CNBD1: variants seen among roughly 807,000 people sequenced by gnomAD.
The protein encoded by CNBD1 is cyclic nucleotide-binding domain-containing protein 1.
A neutral mutation model predicts 54.4 loss-of-function variants in CNBD1; 71 were observed. The observed-to-expected ratio is 1.30, with a 90% CI of 1.08 to 1.59. The LOEUF is 1.59. CNBD1 is among the 40% of genes most tolerant of loss of function. The probability of loss-of-function intolerance (pLI) is 0.00; values close to 1 mark genes in which losing one functional copy is unlikely to be tolerated. For synonymous variants in CNBD1, 182 were observed against 170.7 expected (o/e 1.07, Z -0.51); for missense variants, 659 against 518.0 (o/e 1.27, Z -2.64).
At chr8:87,291,252 G>A (rs1003905176) in intron 8 of CNBD1, among the ~76,000 whole-genome samples, 9 of 148,036 alleles carry the variant, frequency 6.1e-5, no homozygotes, top group Non-Finnish European at 1.2e-4. Context: ...AGTTCTTCTA[G>A]TGTCACTATC....
intron 5 of CNBD1, among the ~76,000 whole-genome samples, chr8:87,211,313 C>T (rs1045514959): frequency 5.3e-5 from 8 of 152,016 alleles, no homozygotes; most frequent in African/African-American, 1.4e-4. Flanking sequence ...CAGATAAGAC[C>T]TTGGACTTGG....
intron 1 of CNBD1, among the ~76,000 whole-genome samples, chr8:86,875,018 A>ATATATATATATATG (rs1277730526): frequency 7.2e-6 from 1 of 139,128 alleles, no homozygotes; most frequent in African/African-American, 2.7e-5. Context: ...ATATATATAT[A>ATATATATATATATG]TATGTATTAA....
chr8:87,237,155 C>A, intron 6 of CNBD1, 43 bp downstream of exon 6: 1 of 1,297,166 alleles, frequency 7.7e-7, no homozygotes, highest in African/African-American at 1.5e-5. Context: ...AACAAGGTAA[C>A]GGGCTTTTGT....
chr8:87,275,797 A>G (rs932551681), intron 6 of CNBD1, among the ~76,000 whole-genome samples: 24 of 151,682 alleles, frequency 1.6e-4, no homozygotes, highest in African/African-American at 5.8e-4. Flanking sequence ...CTGTTTGCAG[A>G]TGACATGATT....
chr8:87,289,769 G>C (rs552411203), intron 8 of CNBD1, among the ~76,000 whole-genome samples: 1 of 152,028 alleles, frequency 6.6e-6, no homozygotes, highest in South Asian at 2.1e-4. Context: ...AAATACATAG[G>C]CTCTACATCC....
chr8:87,007,287 T>A (rs1467108171), intron 4 of CNBD1, among the ~76,000 whole-genome samples: 1 of 152,172 alleles, frequency 6.6e-6, no homozygotes, highest in Non-Finnish European at 1.5e-5. Context: ...CTGTAGAGAA[T>A]GCCAAAATAT....
intron 4 of CNBD1, among the ~76,000 whole-genome samples, chr8:87,204,801 A>G (rs1382406522): frequency 1.3e-5 from 2 of 152,162 alleles, no homozygotes; most frequent in Non-Finnish European, 2.9e-5. Context: ...TGCTAAGTCA[A>G]TGGCACATAT....
intron 3 of CNBD1, among the ~76,000 whole-genome samples, chr8:86,933,383 A>C (rs1384897265): frequency 2.0e-5 from 3 of 152,210 alleles, no homozygotes; most frequent in Non-Finnish European, 2.9e-5. Context: ...TTTGTGGTAC[A>C]TACATATAAT....
chr8:86,998,320 G>A (rs1022279405), intron 4 of CNBD1, among the ~76,000 whole-genome samples: 1 of 151,698 alleles, frequency 6.6e-6, no homozygotes, highest in Non-Finnish European at 1.5e-5. Context: ...TTCTCCATAA[G>A]GCACATCACG....
chr8:86,967,426 C>T (rs1266488393), intron 4 of CNBD1, among the ~76,000 whole-genome samples: 1 of 152,218 alleles, frequency 6.6e-6, no homozygotes, highest in Non-Finnish European at 1.5e-5. Flanking sequence ...TTGGGTGCAA[C>T]CCGGGAGCTC....
rs747741170 is a variant in CNBD1, at chr8:86,866,475, A to C, written c.-21A>C. 1.3e-6 allele frequency: 2 copies of C among 1,590,952 alleles called. No homozygotes were observed. Among genetic ancestry groups the C allele is most frequent in the Admixed American group, 1.7e-5 (1 of 58,456 alleles). On this transcript the variant is annotated 5_prime_UTR_variant, in exon 1 of 11. Transcript: ENST00000518476. ...CCTCTCAAGCAGCCTCTGGTCATCT[A>C]TCTGCCTTTGAGCCATCAAGATGCC...
At chr8:87,093,165 G>A (rs1271391581) in intron 4 of CNBD1, among the ~76,000 whole-genome samples, 1 of 152,116 alleles carries the variant, frequency 6.6e-6, no homozygotes, top group Non-Finnish European at 1.5e-5. Flanking sequence ...TAGGAAAATG[G>A]CTAATTCTTG....
chr8:87,145,387 A>G (rs1474856324), intron 4 of CNBD1, among the ~76,000 whole-genome samples: 1 of 152,202 alleles, frequency 6.6e-6, no homozygotes, highest in Non-Finnish European at 1.5e-5. Flanking sequence ...CTTTTTAGAT[A>G]TGCAACATTT....
At chr8:87,231,537 T>C (rs901619463) in intron 5 of CNBD1, among the ~76,000 whole-genome samples, 1 of 152,204 alleles carries the variant, frequency 6.6e-6, no homozygotes, top group Non-Finnish European at 1.5e-5. Flanking sequence ...GCCTGACTCA[T>C]AGGGTTATAA....
chr8:86,976,746 CTTAG>C (rs1232853473), intron 4 of CNBD1, among the ~76,000 whole-genome samples: 1 of 151,716 alleles, frequency 6.6e-6, no homozygotes, highest in Non-Finnish European at 1.5e-5. Context: ...CTTTCATGTC[CTTAG>C]TTAAATTTAC....
At chr8:87,304,814 G>A (rs1809107508) in intron 8 of CNBD1, among the ~76,000 whole-genome samples, 1 of 151,998 alleles carries the variant, frequency 6.6e-6, no homozygotes, top group Non-Finnish European at 1.5e-5. Context: ...AATACTGAAT[G>A]GGAAAAAGTT....
rs570232122 is a variant in CNBD1, at chr8:87,271,105, T to A, written c.772-13573T>A. Among the ~76,000 whole-genome samples the A allele has an allele frequency of 1.3e-3, 191 of 152,006 alleles. 1 individual carries two copies. Among genetic ancestry groups the A allele is most frequent in the African/African-American group, 4.4e-3 (182 of 41,560 alleles). On this transcript the variant is annotated intron_variant, in intron 6 of 10. Transcript: ENST00000518476. The stretch of plus-strand genomic sequence containing the variant: ...CTAATGATTCTCTGTATCTCTGTGA[T>A]CTCAGTTGTTATGTCTCCTTTTTCA...
downstream of CNBD1, among the ~76,000 whole-genome samples, chr8:87,387,087 A>G (rs1283919662): frequency 6.6e-6 from 1 of 152,242 alleles, no homozygotes; most frequent in Non-Finnish European, 1.5e-5. Context: ...GGCCTGCCCT[A>G]AAAGAGCTCC....
intron 4 of CNBD1, among the ~76,000 whole-genome samples, chr8:87,039,641 A>G (rs1000486950): frequency 6.6e-6 from 1 of 152,180 alleles, no homozygotes; most frequent in African/African-American, 2.4e-5. Flanking sequence ...GGGAATTGCA[A>G]TAGAGAATGA....
Sources: allele counts gnomAD v4.1 joint callset (sites outside exome capture counted in the v4.1 genomes callset), GRCh38; gene constraint gnomAD v4.1.1; transcripts MANE v1.5; gene names NCBI Gene and HGNC (gene_info 2026-07-23, HGNC 2026-07-21).